Variants in HPSE2 observed in about 807,000 individuals in gnomAD.
The protein encoded by HPSE2 is inactive heparanase-2.
A neutral mutation model predicts 60.5 loss-of-function variants in HPSE2; 38 were observed. That is an observed-to-expected ratio of 0.63 (90% confidence interval 0.48 to 0.82). The LOEUF (loss-of-function observed/expected upper bound fraction) is 0.82, where lower values mean the gene tolerates loss of function less well. HPSE2 is among the 40% of genes least tolerant of loss of function. HPSE2 has a pLI of 0.00. For synonymous variants in HPSE2, 295 were observed against 293.2 expected (o/e 1.01, Z -0.06); for missense variants, 713 against 740.4 (o/e 0.96, Z 0.43).
the HPSE2 span, among the ~76,000 whole-genome samples, chr10:99,277,813 T>C: frequency 6.6e-6 from 1 of 152,024 alleles, no homozygotes; most frequent in South Asian, 2.1e-4. Context: ...AAAACTGATA[T>C]GCGGCCGGGC....
intron 4 of HPSE2, among the ~76,000 whole-genome samples, chr10:98,733,894 G>A (rs921569432): frequency 1.3e-5 from 2 of 152,178 alleles, no homozygotes; most frequent in African/African-American, 4.8e-5. Flanking sequence ...CCAATTTCAT[G>A]TGTATAATTC....
intron 2 of HPSE2, among the ~76,000 whole-genome samples, chr10:99,230,072 C>T (rs979973826): frequency 6.6e-6 from 1 of 152,150 alleles, no homozygotes; most frequent in Non-Finnish European, 1.5e-5. Context: ...GCCTCAAATA[C>T]TGATATAGTT....
chr10:99,145,091 T>A (rs1444835311), intron 2 of HPSE2, among the ~76,000 whole-genome samples: 1 of 152,236 alleles, frequency 6.6e-6, no homozygotes, highest in South Asian at 2.1e-4. Flanking sequence ...CTGCTTTTTA[T>A]ACTTCGGAAT....
At chr10:99,030,450 T>A (rs1957474628) in intron 3 of HPSE2, among the ~76,000 whole-genome samples, 1 of 152,190 alleles carries the variant, frequency 6.6e-6, no homozygotes, top group Non-Finnish European at 1.5e-5. Context: ...TGAGATATAA[T>A]CTCGCCCCAG....
intron 3 of HPSE2, among the ~76,000 whole-genome samples, chr10:98,788,409 C>T (rs1181668559): frequency 1.1e-5 from 1 of 91,180 alleles, no homozygotes; most frequent in African/African-American, 3.5e-5. Flanking sequence ...TTTGTCTGTG[C>T]CCTGCCCCCA....
At chr10:99,056,349 G>T (rs1958113582) in intron 3 of HPSE2, among the ~76,000 whole-genome samples, 1 of 152,004 alleles carries the variant, frequency 6.6e-6, no homozygotes. Flanking sequence ...GTGCAATTGG[G>T]TTCACTGGTA....
intron 11 of HPSE2, among the ~76,000 whole-genome samples, 200 bp from the exon 12 acceptor site, chr10:98,459,939 C>G (rs1044852989): frequency 1.3e-5 from 2 of 152,112 alleles, no homozygotes; most frequent in African/African-American, 4.8e-5. Context: ...CCCCCACTCC[C>G]CTGAGGTAAG....
chr10:99,072,927 C>CAAAAAAAAAAAA (rs770699941), intron 3 of HPSE2, among the ~76,000 whole-genome samples: 1 of 88,036 alleles, frequency 1.1e-5, no homozygotes, highest in African/African-American at 6.4e-5. Flanking sequence ...GGCTCCGTCT[C>CAAAAAAAAAAAA]AAAAAAAAAA....
At chr10:99,031,757 C>A (rs1160704746) in intron 3 of HPSE2, among the ~76,000 whole-genome samples, 1 of 152,100 alleles carries the variant, frequency 6.6e-6, no homozygotes, top group Non-Finnish European at 1.5e-5. Flanking sequence ...TATTGGAAGA[C>A]ACAGCAGGAA....
At chr10:98,912,240 C>CA (rs1953998481) in intron 3 of HPSE2, among the ~76,000 whole-genome samples, 1 of 152,094 alleles carries the variant, frequency 6.6e-6, no homozygotes, top group Non-Finnish European at 1.5e-5. Flanking sequence ...CATTTAATAC[C>CA]AACACACTGA....
intron 9 of HPSE2, among the ~76,000 whole-genome samples, chr10:98,588,621 A>G (rs1945002348): frequency 6.6e-6 from 1 of 152,144 alleles, no homozygotes; most frequent in Non-Finnish European, 1.5e-5. Context: ...GAAGTCTCAA[A>G]ATACGGACAG....
chr10:98,495,816 A>G (rs554498186), intron 9 of HPSE2, among the ~76,000 whole-genome samples: 1 of 152,294 alleles, frequency 6.6e-6, no homozygotes, highest in East Asian at 1.9e-4. Flanking sequence ...AACGTCTTCA[A>G]GAGAATTGGT....
At chr10:99,282,212 T>C in the HPSE2 span, among the ~76,000 whole-genome samples, 2 of 151,864 alleles carry the variant, frequency 1.3e-5, no homozygotes, top group Non-Finnish European at 2.9e-5. Context: ...TGAGCCAAGA[T>C]CATGCCACTG....
chr10:98,893,057 A>C lies in HPSE2; in HGVS notation c.611-149001T>G, dbSNP rs547446379. ...TCATTTATTTTTCATTTTTATTTTT[A>C]ATTTTATTTATTTATTTATTTATTT... is the stretch of plus-strand genomic sequence containing the variant. On this transcript the variant is annotated intron_variant, in intron 3 of 11. Coordinates refer to ENST00000370552, the MANE Select transcript of HPSE2 (RefSeq NM_021828.5). Among the ~76,000 whole-genome samples, 3 of 151,470 alleles carry C rather than the reference A, an allele frequency of 2.0e-5. No homozygotes were observed. In the Admixed American group the frequency reaches 2.0e-4, roughly 10 times the overall value.
chr10:98,564,068 C>G (rs895184421), intron 9 of HPSE2, among the ~76,000 whole-genome samples: 3 of 152,196 alleles, frequency 2.0e-5, no homozygotes, highest in African/African-American at 7.2e-5. Flanking sequence ...CAGCCCTCCT[C>G]CCTTTAGTGA....
chr10:99,115,873 G>A (rs1273557212), intron 3 of HPSE2, among the ~76,000 whole-genome samples: 1 of 152,140 alleles, frequency 6.6e-6, no homozygotes, highest in African/African-American at 2.4e-5. Context: ...TTCTAGTCAT[G>A]TGCCTTTTAA....
chr10:99,021,052 C>T (rs1957250537), intron 3 of HPSE2, among the ~76,000 whole-genome samples: 1 of 152,136 alleles, frequency 6.6e-6, no homozygotes, highest in Non-Finnish European at 1.5e-5. Context: ...TTGGAAGACA[C>T]AGCAGTAAAG....
At chr10:98,902,432 C>T (rs1408727835) in intron 3 of HPSE2, among the ~76,000 whole-genome samples, 1 of 152,118 alleles carries the variant, frequency 6.6e-6, no homozygotes, top group African/African-American at 2.4e-5. Flanking sequence ...AACTTTATCA[C>T]CATGTTAAGG....
chr10:98,872,006 C>T (rs915284185), intron 3 of HPSE2, among the ~76,000 whole-genome samples: 1 of 152,096 alleles, frequency 6.6e-6, no homozygotes, highest in Non-Finnish European at 1.5e-5. Context: ...GTTTATATCC[C>T]ACCTCTATCC....
Sources: gnomAD v4.1 joint callset for allele counts (sites outside exome capture counted in the v4.1 genomes callset) on GRCh38, gnomAD v4.1.1 for gene constraint, MANE v1.5 for transcripts, NCBI Gene and HGNC (gene_info 2026-07-23, HGNC 2026-07-21) for gene names.